Variants in UGGT2 observed in about 807,000 individuals in gnomAD.
UGGT2 encodes the protein UDP-glucose:glycoprotein glucosyltransferase 2.
In UGGT2, 180 loss-of-function variants were observed where a neutral mutation model predicts 192.1. That is an observed-to-expected ratio of 0.94 (90% confidence interval 0.83 to 1.06). The LOEUF (loss-of-function observed/expected upper bound fraction) is 1.06, where lower values mean the gene tolerates loss of function less well. Among genes scored for constraint, UGGT2 ranks in the 50% least tolerant of loss-of-function variants. UGGT2 has a pLI of 0.00. For synonymous variants in UGGT2, 580 were observed against 591.0 expected, an observed-to-expected ratio of 0.98 and a Z score of 0.27; for missense variants, 1,849 against 1,795.7, an observed-to-expected ratio of 1.03 and a Z score of -0.54.
chr13:96,028,541 G>A (rs1278619956), intron 2 of UGGT2, among the ~76,000 whole-genome samples: 1 of 152,180 alleles, frequency 6.6e-6, no homozygotes, highest in Non-Finnish European at 1.5e-5. Context: ...GAATCTTGAA[G>A]CATCAATAAA....
At chr13:96,010,337 GAT>G (rs1407894102) in intron 5 of UGGT2, among the ~76,000 whole-genome samples, 1 of 152,170 alleles carries the variant, frequency 6.6e-6, no homozygotes, top group East Asian at 1.9e-4. Context: ...GTGATAGGTT[GAT>G]AGGTGCAGCA....
At chr13:95,900,496 G>T (rs2048073502) in intron 22 of UGGT2, among the ~76,000 whole-genome samples, 1 of 152,092 alleles carries the variant, frequency 6.6e-6, no homozygotes, top group African/African-American at 2.4e-5. Flanking sequence ...TGGTTCTAAT[G>T]ACAATGTTTT....
chr13:96,014,696 T>C (rs1437080591), intron 4 of UGGT2, among the ~76,000 whole-genome samples: 1 of 152,182 alleles, frequency 6.6e-6, no homozygotes, highest in East Asian at 1.9e-4. Context: ...TTTGCTGTCT[T>C]TCTTCATGAG....
In UGGT2 at chr13:95,970,176, A is replaced by T; in HGVS notation, c.1271T>A (p.Leu424Ter). ...TTCCCAAATGTGTGAATTTAATTTT[A>T]AAAATTTGCTCATATCTTCCCCATT... is the stretch of plus-strand genomic sequence containing the variant. ...GINGEDMSKF[L>*]KLNSHIWEYT... Residue 424 changes from leucine to a stop codon, truncating the protein, a stop_gained, in exon 12 of 39, where the codon TTA becomes TAA. Coordinates refer to ENST00000376747, the MANE Select transcript of UGGT2 (RefSeq NM_020121.4). LOFTEE classifies it high-confidence loss of function. The T allele has an allele frequency of 6.2e-7, 1 of 1,611,918 alleles. No homozygotes were observed. The highest frequency in any genetic ancestry group is 8.5e-7 in the Non-Finnish European group (1 of 1,178,240).
chr13:95,927,715 G>C (rs867300152), intron 17 of UGGT2, among the ~76,000 whole-genome samples: 9 of 151,782 alleles, frequency 5.9e-5, no homozygotes, highest in South Asian at 2.1e-4. Flanking sequence ...TCTCGGAGAG[G>C]GGGATTTGGC....
rs553752972 is a variant in UGGT2, at chr13:95,905,072, T to C, written c.2296-2012A>G. The stretch of plus-strand genomic sequence containing the variant: ...TGATGATGAGCATTTTTTCATGTGT[T>C]TTTTGGCTGCATAAATGTCTTCTTT... On this transcript the variant is annotated intron_variant, in intron 20 of 38. Coordinates refer to ENST00000376747, the MANE Select transcript of UGGT2 (RefSeq NM_020121.4). Among the ~76,000 whole-genome samples the C allele has an allele frequency of 3.9e-5, 6 of 151,976 alleles. No individual in the cohort carries two copies. The South Asian group carries it at 1.0e-3, about 26-fold the overall frequency.
At chr13:95,852,236 T>TC (rs1189293572) in intron 36 of UGGT2, among the ~76,000 whole-genome samples, 2 of 152,126 alleles carry the variant, frequency 1.3e-5, no homozygotes, top group Non-Finnish European at 2.9e-5. Context: ...TTTACTTTAT[T>TC]CCCCCCATCT....
At chr13:95,964,181 G>A (rs2050492733) in intron 12 of UGGT2, among the ~76,000 whole-genome samples, 1 of 152,112 alleles carries the variant, frequency 6.6e-6, no homozygotes, top group Non-Finnish European at 1.5e-5. Context: ...ATAGCCAATT[G>A]ATTTTTGATA....
intron 7 of UGGT2, among the ~76,000 whole-genome samples, chr13:95,992,948 G>A (rs1485786798): frequency 6.6e-6 from 1 of 152,062 alleles, no homozygotes; most frequent in African/African-American, 2.4e-5. Context: ...AAATAATTCT[G>A]ACAAAAAGAC....
intron 11 of UGGT2, among the ~76,000 whole-genome samples, chr13:95,971,193 C>G (rs1402955176): frequency 6.6e-6 from 1 of 152,184 alleles, no homozygotes; most frequent in African/African-American, 2.4e-5. Flanking sequence ...CAAAATAAAT[C>G]CTTTACTCCT....
chr13:95,909,813 A>AAAG (rs1458728905), intron 20 of UGGT2, among the ~76,000 whole-genome samples: 1 of 148,422 alleles, frequency 6.7e-6, no homozygotes, highest in Non-Finnish European at 1.5e-5. Flanking sequence ...AAAAAAAAAA[A>AAAG]AAAAAAACTG....
At chr13:95,922,944 G>C (rs1463568375) in intron 20 of UGGT2, among the ~76,000 whole-genome samples, 1 of 152,214 alleles carries the variant, frequency 6.6e-6, no homozygotes, top group African/African-American at 2.4e-5. Context: ...ACACTGTGAT[G>C]TGACAGATCC....
intron 10 of UGGT2, among the ~76,000 whole-genome samples, chr13:95,972,935 C>A (rs1437545135): frequency 6.6e-6 from 1 of 152,204 alleles, no homozygotes. Context: ...CTTTGGGAGG[C>A]CGAGGTGGGT....
intron 38 of UGGT2, among the ~76,000 whole-genome samples, chr13:95,823,369 A>T (rs1313866766): frequency 6.6e-6 from 1 of 152,142 alleles, no homozygotes; most frequent in East Asian, 1.9e-4. Flanking sequence ...TGGAGTACTT[A>T]AGTCCACCAC....
chr13:95,931,937 G>A (rs1024972793), intron 17 of UGGT2, among the ~76,000 whole-genome samples: 43 of 152,332 alleles, frequency 2.8e-4, no homozygotes, highest in African/African-American at 7.9e-4. Flanking sequence ...AGCGGACGCC[G>A]AGGGCAAGGA....
chr13:96,046,482 GGA>G (rs1274901334), intron 1 of UGGT2, among the ~76,000 whole-genome samples: 4 of 152,156 alleles, frequency 2.6e-5, no homozygotes, highest in African/African-American at 9.7e-5. Context: ...AAGATAAATA[GGA>G]GAGAGGTTCC....
chr13:95,818,793 A>G (rs1885197391), intron 38 of UGGT2, among the ~76,000 whole-genome samples: 2 of 151,938 alleles, frequency 1.3e-5, no homozygotes, highest in African/African-American at 4.9e-5. Flanking sequence ...GTCACCTGGG[A>G]TGGCAAGAGG....
rs1337250187 is a variant in UGGT2 at position 96,053,332 on chromosome 13, G to A, written c.-20C>T. The stretch of plus-strand genomic sequence containing the variant: ...CGCCATGGCACGGAGAGAAAAGCGC[G>A]AGTCCCTCGGACCCGGTACCCACAG... On this transcript the variant is annotated 5_prime_UTR_variant, in exon 1 of 39. Transcript: ENST00000376747. 1.9e-6 allele frequency: 3 copies of A among 1,577,978 alleles called. No individual in the cohort carries two copies. Among genetic ancestry groups the A allele is most frequent in the Admixed American group, 1.7e-5 (1 of 58,158 alleles).
chr13:95,860,386 T>G (rs540589134), intron 32 of UGGT2, among the ~76,000 whole-genome samples: 1 of 149,246 alleles, frequency 6.7e-6, no homozygotes, highest in East Asian at 1.9e-4. Flanking sequence ...TATTCTTACC[T>G]ATCCAAAATG....
Sources: allele counts gnomAD v4.1 joint callset (sites outside exome capture counted in the v4.1 genomes callset), GRCh38; gene constraint gnomAD v4.1.1; transcripts MANE v1.5; gene names NCBI Gene and HGNC (gene_info 2026-07-23, HGNC 2026-07-21).